Variants in FAM83A observed in about 807,000 individuals in gnomAD.
FAM83A encodes scaffolding CK1 anchoring protein A, also known as protein FAM83A.
A neutral mutation model predicts 24.4 loss-of-function variants in FAM83A; 21 were observed. The observed-to-expected ratio is 0.86, with a 90% CI of 0.61 to 1.24. The LOEUF (loss-of-function observed/expected upper bound fraction) is 1.24. Ranked by LOEUF, FAM83A falls within the 50% of genes most tolerant of loss-of-function variation. FAM83A has a pLI of 0.00. For synonymous variants in FAM83A, 270 were observed against 252.4 expected, an observed-to-expected ratio of 1.07 and a Z score of -0.66; for missense variants, 617 against 579.8, an observed-to-expected ratio of 1.06 and a Z score of -0.66.
At position 123,207,314 on chromosome 8, in the gene FAM83A, G is replaced by C. The variant is rs746571188; in HGVS notation, c.931G>C (p.Gly311Arg). ...GCGGCTGGTCGCCCCCGTCCCGCCCGGAGCAGCCCCGGCCAATGGCCGCCT... is the reference window on the plus strand; with the variant it reads ...GCGGCTGGTCGCCCCCGTCCCGCCCCGAGCAGCCCCGGCCAATGGCCGCCT... Residue 311 changes from glycine to arginine, a missense_variant, in exon 4 of 4, where the codon GGA becomes CGA. Transcript: ENST00000690554. The C allele has an allele frequency of 1.9e-6, 3 of 1,611,168 alleles. No individual in the cohort carries two copies. In the South Asian group the frequency reaches 3.3e-5, roughly 18 times the overall value.
In FAM83A at chr8:123,209,374, T is replaced by C. The variant is rs1824661441; in HGVS notation, c.*1686T>C. 2.0e-6 allele frequency: 3 copies of C among 1,483,442 alleles called. No homozygotes were observed. The highest frequency in any genetic ancestry group is 2.7e-6 in the Non-Finnish European group (3 of 1,119,694). The allele number at this position is 1,483,442 out of a possible 1,614,324, so 91.9% of individuals were successfully genotyped here. The stretch of plus-strand genomic sequence containing the variant: ...CTTGGCTTCTGGTTTCTTTTATTAT[T>C]ATTATTATTATTAATTATTGTATTC... On this transcript the variant is annotated 3_prime_UTR_variant, in exon 4 of 4. Coordinates refer to ENST00000690554, the Ensembl canonical transcript of FAM83A. The surrounding 1 kb of genome is among the most constrained non-coding windows in gnomAD (Gnocchi z 4.7).
chr8:123,183,081 C>T, exon 1 of FAM83A: 1 of 1,613,878 alleles, frequency 6.2e-7, no homozygotes, highest in African/African-American at 1.3e-5. Flanking sequence ...AGGCCCAGGC[C>T]AGGGAGCCCC....
chr8:123,191,588 G>A (rs961678245), intron 1 of FAM83A, among the ~76,000 whole-genome samples: 1 of 152,204 alleles, frequency 6.6e-6, no homozygotes, highest in Non-Finnish European at 1.5e-5. Context: ...TGGGACTGGA[G>A]AGATGGTATC....
chr8:123,195,022 C>T (rs1382167060), intron 3 of FAM83A, among the ~76,000 whole-genome samples: 1 of 152,114 alleles, frequency 6.6e-6, no homozygotes, highest in Non-Finnish European at 1.5e-5. Context: ...GAAATGTTCT[C>T]AGTGGCGGCG....
chr8:123,181,091 C>T (rs1160773941), upstream of FAM83A, among the ~76,000 whole-genome samples: 6 of 152,074 alleles, frequency 3.9e-5, no homozygotes, highest in African/African-American at 1.4e-4. Context: ...GGACTACAGG[C>T]GCATACCACC....
At chr8:123,192,680 T>C (rs1000300310) in intron 2 of FAM83A, among the ~76,000 whole-genome samples, 5 of 152,296 alleles carry the variant, frequency 3.3e-5, no homozygotes, top group African/African-American at 1.2e-4. Context: ...TTCTGTCCTC[T>C]GGGAGAACCT....
chr8:123,198,580 A>C (rs1335883569), intron 3 of FAM83A, among the ~76,000 whole-genome samples: 2 of 152,146 alleles, frequency 1.3e-5, no homozygotes, highest in Non-Finnish European at 2.9e-5. Context: ...CCCAAGATAA[A>C]CTTCCCTTTA....
intron 3 of FAM83A, among the ~76,000 whole-genome samples, chr8:123,203,795 T>C (rs572024131): frequency 2.1e-4 from 31 of 150,718 alleles, no homozygotes; most frequent in Non-Finnish European, 3.8e-4. Context: ...AGGCAACATA[T>C]GGTTAAAAAA....
rs1039160299 is a variant in FAM83A, at chr8:123,209,289, C to T, written c.*1601C>T. ...CGGCCTGTGGCATCCTCCCTAGTCC[C>T]CTCTGCCCATCCATCCCTCTGTTCC... On this transcript the variant is annotated 3_prime_UTR_variant, in exon 4 of 4. Coordinates refer to ENST00000690554, the Ensembl canonical transcript of FAM83A. This position sits in a 1 kb window ranked among gnomAD's most constrained non-coding sequence, Gnocchi z 4.7. 2.9e-6 allele frequency: 4 copies of T among 1,362,618 alleles called. No individual in the cohort carries two copies. Among genetic ancestry groups the T allele is most frequent in the Admixed American group, 3.1e-5 (1 of 31,802 alleles). 84.4% of individuals were successfully genotyped at this position (1,362,618 alleles called of 1,614,324 possible). A position where few individuals can be genotyped will look rare whatever the true frequency, so the allele number is the denominator to read the frequency against.
At chr8:123,201,388 C>T (rs1226382018) in intron 3 of FAM83A, 1 of 152,164 alleles carries the variant, frequency 6.6e-6, no homozygotes, top group African/African-American at 2.4e-5. Flanking sequence ...AAGGCTGCCA[C>T]AGCCGGAATA....
exon 4 of FAM83A, chr8:123,208,370 T>C (rs896918714): frequency 6.1e-6 from 6 of 985,458 alleles, no homozygotes; most frequent in Non-Finnish European, 7.2e-6. Flanking sequence ...ACAAGGCAGG[T>C]TAGTAGACTC....
intron 2 of FAM83A, among the ~76,000 whole-genome samples, chr8:123,193,421 T>G (rs1824044702): frequency 6.6e-6 from 1 of 152,222 alleles, no homozygotes; most frequent in Non-Finnish European, 1.5e-5. Context: ...TTCTTTTATT[T>G]GCTGCCTTAT....
chr8:123,203,773 G>A (rs1382721937), intron 3 of FAM83A, among the ~76,000 whole-genome samples: 12 of 151,394 alleles, frequency 7.9e-5, no homozygotes, highest in Non-Finnish European at 1.3e-4. Flanking sequence ...ATAAGCAGGC[G>A]TTTCACCAAA....
Position 123,209,673 on chromosome 8 carries a change from C to G in FAM83A, c.*1985C>G, listed in dbSNP as rs1311792807. On this transcript the variant is annotated 3_prime_UTR_variant, in exon 4 of 4. Transcript: ENST00000690554. The surrounding 1 kb of genome is among the most constrained non-coding windows in gnomAD (Gnocchi z 4.7). ...GCTTTCCAAAGGCCTCAGCCTGTGC[C>G]TGTGTCGAGCTCAGTCCTGGGAGAT... 2 of 1,067,690 alleles carry G rather than the reference C, an allele frequency of 1.9e-6. No individual in the cohort carries two copies. The highest frequency in any genetic ancestry group is 5.2e-5 in the East Asian group (2 of 38,724). 66.1% of individuals were successfully genotyped at this position (1,067,690 alleles called of 1,614,324 possible).
At chr8:123,202,331 C>T (rs1824390131) in intron 3 of FAM83A, 1 of 153,044 alleles carries the variant, frequency 6.5e-6, no homozygotes, top group Admixed American at 6.5e-5. Flanking sequence ...TCATGCCCTC[C>T]GTCGGAGAGC....
At chr8:123,181,108 G>C (rs568470416), upstream of FAM83A, among the ~76,000 whole-genome samples, 1 of 151,966 alleles carries the variant, frequency 6.6e-6, no homozygotes, top group African/African-American at 2.4e-5. Flanking sequence ...CACCAGGCCC[G>C]GCTAATTTTT....
chr8:123,194,784 C>T lies in FAM83A; in HGVS notation c.773+636C>T, dbSNP rs185942234. Among the ~76,000 whole-genome samples the T allele has an allele frequency of 6.4e-3, 970 of 152,238 alleles. 6 individuals carry two copies. The highest frequency in any genetic ancestry group is 0.011 in the Non-Finnish European group (778 of 68,004). On this transcript the variant is annotated intron_variant, in intron 3 of 3. Coordinates refer to ENST00000690554, the Ensembl canonical transcript of FAM83A. ...AGGCGTGAGCCACTGCACCCAGCCC[C>T]GTTTTATTTTTTAAATTTTTATTAT...
chr8:123,200,484 T>C (rs1037044349), intron 3 of FAM83A, among the ~76,000 whole-genome samples: 1 of 152,162 alleles, frequency 6.6e-6, no homozygotes, highest in East Asian at 1.9e-4. Context: ...AGAACTAACA[T>C]TGCTGAAGGA....
At chr8:123,194,394 C>T (rs1177558031) in intron 3 of FAM83A, among the ~76,000 whole-genome samples, 3 of 152,118 alleles carry the variant, frequency 2.0e-5, no homozygotes, top group Non-Finnish European at 2.9e-5. Context: ...TGCAATAGGA[C>T]GTAGAATCCT....
Sources: allele counts gnomAD v4.1 joint callset (sites outside exome capture counted in the v4.1 genomes callset), GRCh38; gene constraint gnomAD v4.1.1; non-coding constraint Gnocchi (gnomAD v3.1); transcripts MANE v1.5; gene names NCBI Gene and HGNC (gene_info 2026-07-23, HGNC 2026-07-21).